Variants in ZCCHC17 observed in about 807,000 individuals in gnomAD.
ZCCHC17 encodes zinc finger CCHC-type containing 17.
In ZCCHC17, 18 loss-of-function variants were observed where a neutral mutation model predicts 30.6. The ratio of observed to expected loss-of-function variants is 0.59; its 90% CI spans 0.41 to 0.87. The LOEUF (loss-of-function observed/expected upper bound fraction) is 0.87, where lower values mean the gene tolerates loss of function less well. Among genes scored for constraint, ZCCHC17 ranks in the 40% least tolerant of loss-of-function variants. ZCCHC17 has a pLI of 0.00. For synonymous variants in ZCCHC17, 88 were observed against 92.4 expected, an observed-to-expected ratio of 0.95 and a Z score of 0.27; for missense variants, 263 against 284.2, an observed-to-expected ratio of 0.93 and a Z score of 0.54.
chr1:31,357,829 C>T (rs1018591637), intron 7 of ZCCHC17, among the ~76,000 whole-genome samples: 1 of 151,000 alleles, frequency 6.6e-6, no homozygotes, highest in African/African-American at 2.4e-5. Context: ...GATCTCAGCT[C>T]ACTGCAACCT....
At chr1:31,343,684 T>C (rs1016705961) in intron 5 of ZCCHC17, among the ~76,000 whole-genome samples, 5 of 85,610 alleles carry the variant, frequency 5.8e-5, no homozygotes, top group Non-Finnish European at 8.8e-5. Context: ...GAGTGTAGTA[T>C]ATAATTTTTT....
intron 1 of ZCCHC17, among the ~76,000 whole-genome samples, chr1:31,299,099 T>C (rs1293075662): frequency 6.6e-6 from 1 of 152,180 alleles, no homozygotes; most frequent in African/African-American, 2.4e-5. Flanking sequence ...AAAAGCCAGA[T>C]ATGAGGCAAG....
At chr1:31,352,902 A>C (rs1389454015) in intron 7 of ZCCHC17, among the ~76,000 whole-genome samples, 1 of 152,166 alleles carries the variant, frequency 6.6e-6, no homozygotes, top group African/African-American at 2.4e-5. Context: ...GTATATACCT[A>C]ATAGTAGAAT....
chr1:31,346,909 T>C, intron 6 of ZCCHC17, 169 bp downstream of exon 6: 1 of 1,409,716 alleles, frequency 7.1e-7, no homozygotes. Flanking sequence ...GGTGATACAT[T>C]TTCTGTTTTC....
chr1:31,341,505 G>C (rs986365566), intron 5 of ZCCHC17, among the ~76,000 whole-genome samples: 2 of 152,120 alleles, frequency 1.3e-5, no homozygotes, highest in Non-Finnish European at 2.9e-5. Context: ...GAAGGGAAAG[G>C]GCTCCCTGGT....
chr1:31,316,104 CTTAT>C (rs890285763), intron 2 of ZCCHC17, among the ~76,000 whole-genome samples: 1 of 151,884 alleles, frequency 6.6e-6, no homozygotes, highest in African/African-American at 2.4e-5. Flanking sequence ...TATTTATTCA[CTTAT>C]TTATTTATTT....
At chr1:31,351,588 GA>G (rs1639472065) in intron 7 of ZCCHC17, among the ~76,000 whole-genome samples, 1 of 151,910 alleles carries the variant, frequency 6.6e-6, no homozygotes, top group Non-Finnish European at 1.5e-5. Flanking sequence ...AAAACATAGA[GA>G]AAATTAGCTG....
intron 2 of ZCCHC17, among the ~76,000 whole-genome samples, chr1:31,312,688 G>T (rs1436969751): frequency 6.6e-6 from 1 of 152,192 alleles, no homozygotes; most frequent in African/African-American, 2.4e-5. Context: ...ATTAATTAAT[G>T]TTGGCTCCCT....
At chr1:31,329,555 A>G (rs987012909) in intron 3 of ZCCHC17, among the ~76,000 whole-genome samples, 1 of 144,086 alleles carries the variant, frequency 6.9e-6, no homozygotes, top group Non-Finnish European at 1.6e-5. Flanking sequence ...TAAGAGAAAC[A>G]TAATCCCTTG....
At chr1:31,297,470 A>G (rs1646193199) in intron 1 of ZCCHC17, among the ~76,000 whole-genome samples, 1 of 152,192 alleles carries the variant, frequency 6.6e-6, no homozygotes, top group Non-Finnish European at 1.5e-5. Context: ...AGAGACAGTG[A>G]TGAAGGAAAT....
chr1:31,361,300 G>T (rs928020129), intron 7 of ZCCHC17, among the ~76,000 whole-genome samples: 2 of 152,186 alleles, frequency 1.3e-5, no homozygotes, highest in African/African-American at 4.8e-5. Context: ...TCCTGTAGAT[G>T]CTTGGCCAGG....
At chr1:31,300,253 T>A (rs1443252834) in intron 1 of ZCCHC17, among the ~76,000 whole-genome samples, 7 of 152,084 alleles carry the variant, frequency 4.6e-5, no homozygotes, top group Non-Finnish European at 1.0e-4. Context: ...AGAGATAAGG[T>A]CTTGCCATGT....
In ZCCHC17 at chr1:31,364,539, A is replaced by G. The variant is rs2148492052; in HGVS notation, c.*346A>G. Reference sequence around the variant, plus strand: ...CTGTAAAGGAGTCCAGGCTAGAGCCACAGAGACTGTTGTGGAGGTGAGTTC... The same window carrying G: ...CTGTAAAGGAGTCCAGGCTAGAGCCGCAGAGACTGTTGTGGAGGTGAGTTC... On this transcript the variant is annotated 3_prime_UTR_variant, in exon 8 of 8. Coordinates refer to ENST00000344147, the MANE Select transcript of ZCCHC17 (RefSeq NM_016505.4). 1 of 274,190 alleles carries G rather than the reference A, an allele frequency of 3.6e-6. No homozygotes were observed. Among genetic ancestry groups the G allele is most frequent in the East Asian group, 6.5e-5 (1 of 15,274 alleles). 17.0% of individuals were successfully genotyped at this position (274,190 alleles called of 1,614,324 possible).
At chr1:31,299,429 AC>A (rs1324649812) in intron 1 of ZCCHC17, among the ~76,000 whole-genome samples, 1 of 152,236 alleles carries the variant, frequency 6.6e-6, no homozygotes, top group Non-Finnish European at 1.5e-5. Context: ...ACACATTCTA[AC>A]CTCTAATATG....
intron 2 of ZCCHC17, 86 bp from the exon 3 acceptor site, chr1:31,319,023 G>A (rs1009034520): frequency 6.9e-6 from 10 of 1,455,524 alleles, no homozygotes; most frequent in African/African-American, 1.4e-5. Context: ...TCAATATGAA[G>A]TACAGATTTG....
intron 1 of ZCCHC17, among the ~76,000 whole-genome samples, chr1:31,301,339 T>C (rs1646306690): frequency 6.6e-6 from 1 of 152,164 alleles, no homozygotes. Context: ...AAAAATGATT[T>C]GAATCCCATC....
intron 3 of ZCCHC17, among the ~76,000 whole-genome samples, chr1:31,323,889 G>C (rs775919155): frequency 3.9e-5 from 6 of 152,130 alleles, no homozygotes; most frequent in Non-Finnish European, 7.4e-5. Context: ...CTTTAATCCA[G>C]AAATTCTTTG....
intron 5 of ZCCHC17, among the ~76,000 whole-genome samples, chr1:31,340,791 G>A (rs1435440328): frequency 2.0e-5 from 3 of 152,156 alleles, no homozygotes; most frequent in Non-Finnish European, 4.4e-5. Flanking sequence ...GAATTTAAAA[G>A]ACAAGAAAAA....
At chr1:31,360,919 A>T (rs1035671520) in intron 7 of ZCCHC17, among the ~76,000 whole-genome samples, 10 of 152,136 alleles carry the variant, frequency 6.6e-5, no homozygotes, top group Admixed American at 5.9e-4. Context: ...AAACTAAAGC[A>T]CTGTTTAGGT....
Sources: gnomAD v4.1 joint callset for allele counts (sites outside exome capture counted in the v4.1 genomes callset) on GRCh38, gnomAD v4.1.1 for gene constraint, MANE v1.5 for transcripts, NCBI Gene and HGNC (gene_info 2026-07-23, HGNC 2026-07-21) for gene names.